GALNT13: variants seen among roughly 807,000 people sequenced by gnomAD.
GALNT13 encodes polypeptide N-acetylgalactosaminyltransferase 13.
A neutral mutation model predicts 64.2 loss-of-function variants in GALNT13; 28 were observed. That is an observed-to-expected ratio of 0.44 (90% CI 0.32 to 0.60). The LOEUF (loss-of-function observed/expected upper bound fraction) is 0.60, where lower values mean the gene tolerates loss of function less well. GALNT13 is among the 20% of genes least tolerant of loss of function. The pLI, the probability that GALNT13 is intolerant of heterozygous loss-of-function variation, is 0.05. For synonymous variants in GALNT13, 214 were observed against 224.6 expected, an observed-to-expected ratio of 0.95 and a Z score of 0.42; for missense variants, 577 against 669.8, an observed-to-expected ratio of 0.86 and a Z score of 1.53.
At chr2:153,794,944 C>A in the GALNT13 span, among the ~76,000 whole-genome samples, 1 of 152,096 alleles carries the variant, frequency 6.6e-6, no homozygotes, top group African/African-American at 2.4e-5. Flanking sequence ...ATTTTATAGA[C>A]AAAATAATGC....
chr2:153,529,994 A>C, the GALNT13 span, among the ~76,000 whole-genome samples: 1 of 152,136 alleles, frequency 6.6e-6, no homozygotes, highest in Non-Finnish European at 1.5e-5. Context: ...CATGATAAGG[A>C]ACATGAAATA....
At chr2:153,602,302 C>G in the GALNT13 span, among the ~76,000 whole-genome samples, 3 of 151,518 alleles carry the variant, frequency 2.0e-5, no homozygotes, top group Non-Finnish European at 3.0e-5. Flanking sequence ...TCTCCAAATC[C>G]CTGCTTTCAC....
At chr2:153,779,450 A>G in the GALNT13 span, among the ~76,000 whole-genome samples, 1 of 152,196 alleles carries the variant, frequency 6.6e-6, no homozygotes, top group Admixed American at 6.5e-5. Flanking sequence ...TTAATTCTTA[A>G]AGTGCATATT....
intron 1 of GALNT13, among the ~76,000 whole-genome samples, chr2:153,886,464 G>A (rs111457734): frequency 0.17 from 24,622 of 149,046 alleles, 2,431 homozygotes; most frequent in East Asian, 0.26. Flanking sequence ...GCCATAAAAA[G>A]CGATGAGTTC....
At chr2:153,255,574 C>T in the GALNT13 span, among the ~76,000 whole-genome samples, 16 of 151,840 alleles carry the variant, frequency 1.1e-4, 1 homozygote, top group East Asian at 3.9e-4. Flanking sequence ...TCGATCATTA[C>T]GTTTTGGCAT....
chr2:153,157,721 G>A, the GALNT13 span, among the ~76,000 whole-genome samples: 2 of 151,960 alleles, frequency 1.3e-5, no homozygotes, highest in African/African-American at 2.4e-5. Context: ...TTATGGAAAG[G>A]GCTCATTCAC....
the GALNT13 span, among the ~76,000 whole-genome samples, chr2:153,345,691 CTTT>C: frequency 7.8e-6 from 1 of 128,004 alleles, no homozygotes; most frequent in Non-Finnish European, 1.7e-5. Context: ...TTCTTTCTTT[CTTT>C]CTTTCTTTCT....
the GALNT13 span, among the ~76,000 whole-genome samples, chr2:153,422,328 C>T: frequency 3.0e-4 from 46 of 152,056 alleles, no homozygotes; most frequent in African/African-American, 9.6e-4. Context: ...GAAGGAAAAA[C>T]GTAAAGATGA....
At chr2:154,098,148 G>A (rs1257972514) in intron 3 of GALNT13, among the ~76,000 whole-genome samples, 1 of 145,762 alleles carries the variant, frequency 6.9e-6, no homozygotes, top group Non-Finnish European at 1.5e-5. Context: ...TCTGGAATGT[G>A]GTCAAACATT....
chr2:153,619,975 G>A, the GALNT13 span, among the ~76,000 whole-genome samples: 3 of 151,834 alleles, frequency 2.0e-5, no homozygotes. Flanking sequence ...CTTTTAATTA[G>A]ATATTGATGT....
At chr2:154,121,478 A>G (rs1361253603) in intron 3 of GALNT13, among the ~76,000 whole-genome samples, 2 of 152,010 alleles carry the variant, frequency 1.3e-5, no homozygotes, top group Non-Finnish European at 2.9e-5. Context: ...ATTTATTTGG[A>G]TGTTTGATTT....
chr2:154,073,664 A>T (rs538743059), intron 3 of GALNT13, among the ~76,000 whole-genome samples: 3 of 152,100 alleles, frequency 2.0e-5, no homozygotes, highest in Non-Finnish European at 4.4e-5. Context: ...AAAATGCAAG[A>T]TAAATCAATA....
the GALNT13 span, among the ~76,000 whole-genome samples, chr2:153,602,059 T>G: frequency 1.3e-5 from 2 of 151,730 alleles, no homozygotes; most frequent in African/African-American, 4.8e-5. Context: ...ACCGCATAAA[T>G]AGAGCAAAAA....
the GALNT13 span, among the ~76,000 whole-genome samples, chr2:153,589,673 C>A: frequency 6.6e-6 from 1 of 152,190 alleles, no homozygotes; most frequent in African/African-American, 2.4e-5. Flanking sequence ...AGGAGCAAGT[C>A]ATATTTTACA....
intron 9 of GALNT13, among the ~76,000 whole-genome samples, chr2:154,382,098 T>C (rs1371464215): frequency 6.6e-6 from 1 of 152,110 alleles, no homozygotes; most frequent in Non-Finnish European, 1.5e-5. Flanking sequence ...CAAACTACAT[T>C]ACACACATGT....
intron 3 of GALNT13, among the ~76,000 whole-genome samples, chr2:154,069,514 A>G (rs1373774773): frequency 6.6e-6 from 1 of 152,016 alleles, no homozygotes; most frequent in Non-Finnish European, 1.5e-5. Context: ...AATGGAGATC[A>G]TCTATAAATT....
At chr2:153,350,812 G>A in the GALNT13 span, among the ~76,000 whole-genome samples, 5 of 152,084 alleles carry the variant, frequency 3.3e-5, no homozygotes, top group Admixed American at 2.6e-4. Context: ...TAATGATGAC[G>A]ATGCCACCCA....
At chr2:153,779,738 A>G in the GALNT13 span, among the ~76,000 whole-genome samples, 6 of 152,162 alleles carry the variant, frequency 3.9e-5, no homozygotes, top group Admixed American at 1.3e-4. Flanking sequence ...TGGTTTTACT[A>G]GAGACCACAG....
chr2:153,182,468 G>C, the GALNT13 span, among the ~76,000 whole-genome samples: 7 of 152,102 alleles, frequency 4.6e-5, no homozygotes, highest in African/African-American at 1.7e-4. Flanking sequence ...TTAAGTTCAG[G>C]GGTACATTTG....
Sources: gnomAD v4.1 joint callset for allele counts (sites outside exome capture counted in the v4.1 genomes callset) on GRCh38, gnomAD v4.1.1 for gene constraint, MANE v1.5 for transcripts, NCBI Gene and HGNC (gene_info 2026-07-23, HGNC 2026-07-21) for gene names.